The following MDGA2 variants were observed in gnomAD, a reference collection of about 807,000 sequenced individuals.
MDGA2 encodes MAM domain-containing glycosylphosphatidylinositol anchor protein 2.
A neutral mutation model predicts 117.8 loss-of-function variants in MDGA2; 40 were observed. That is an observed-to-expected ratio of 0.34 (90% CI 0.26 to 0.44). The LOEUF is 0.44. Ranked by LOEUF, MDGA2 falls within the 20% of genes least tolerant of loss-of-function variation. The probability of loss-of-function intolerance (pLI) is 1.00; values close to 1 mark genes in which losing one functional copy is unlikely to be tolerated. For missense variants in MDGA2, 1,123 were observed against 1,250.6 expected, an observed-to-expected ratio of 0.90 and a Z score of 1.54; for synonymous variants, 452 against 439.0, an observed-to-expected ratio of 1.03 and a Z score of -0.37.
intron 1 of MDGA2, among the ~76,000 whole-genome samples, chr14:47,486,001 G>A (rs566591446): frequency 2.6e-5 from 4 of 152,308 alleles, no homozygotes; most frequent in African/African-American, 9.6e-5. Flanking sequence ...AGTCCCTAGT[G>A]AGGCACTGCC....
chr14:47,626,433 G>C (rs1039512439), intron 1 of MDGA2: 1 of 153,132 alleles, frequency 6.5e-6, no homozygotes, highest in African/African-American at 2.4e-5. Flanking sequence ...GCGCCTCCTC[G>C]GCTTTGGCAC....
chr14:47,621,223 A>G (rs1156982064), intron 1 of MDGA2, among the ~76,000 whole-genome samples: 1 of 152,112 alleles, frequency 6.6e-6, no homozygotes, highest in Non-Finnish European at 1.5e-5. Context: ...TGAACCCTAT[A>G]TTAAATACAG....
chr14:46,854,582 C>T (rs1222723560), intron 15 of MDGA2, among the ~76,000 whole-genome samples: 1 of 151,566 alleles, frequency 6.6e-6, no homozygotes, highest in Non-Finnish European at 1.5e-5. Context: ...TTAATAATCA[C>T]TGATCAATTA....
intron 2 of MDGA2, among the ~76,000 whole-genome samples, chr14:47,246,837 A>ACG (rs1887255184): frequency 6.7e-6 from 1 of 149,314 alleles, no homozygotes; most frequent in South Asian, 2.1e-4. Context: ...ACACACACTC[A>ACG]GACGTATCAA....
intron 2 of MDGA2, among the ~76,000 whole-genome samples, chr14:47,236,780 C>T (rs1886879687): frequency 1.3e-5 from 2 of 152,088 alleles, no homozygotes; most frequent in South Asian, 4.1e-4. Context: ...AAAATATCAG[C>T]TTTTAGATTT....
intron 6 of MDGA2, among the ~76,000 whole-genome samples, chr14:47,068,049 TCTAAATG>T (rs1890146631): frequency 6.6e-6 from 1 of 152,114 alleles, no homozygotes; most frequent in Non-Finnish European, 1.5e-5. Context: ...CCCCTGATAA[TCTAAATG>T]TAGAGTCAGA....
intron 3 of MDGA2, among the ~76,000 whole-genome samples, chr14:47,199,287 C>A (rs1045698646): frequency 6.6e-6 from 1 of 152,214 alleles, no homozygotes; most frequent in African/African-American, 2.4e-5. Flanking sequence ...AACTTGATGT[C>A]TAGGTAACTT....
intron 7 of MDGA2, among the ~76,000 whole-genome samples, chr14:47,057,482 A>G (rs11628087): frequency 0.53 from 79,847 of 151,830 alleles, 21,716 homozygotes; most frequent in East Asian, 0.65. Context: ...TAAAAAAAAA[A>G]TACTCCCAAT....
At chr14:46,842,464 G>A (rs911308623) in intron 16 of MDGA2, among the ~76,000 whole-genome samples, 1 of 152,058 alleles carries the variant, frequency 6.6e-6, no homozygotes, top group African/African-American at 2.4e-5. Flanking sequence ...ATGGTTATGT[G>A]TACAGAAATT....
chr14:47,145,369 A>T (rs527283434), intron 3 of MDGA2, among the ~76,000 whole-genome samples: 1 of 152,310 alleles, frequency 6.6e-6, no homozygotes, highest in South Asian at 2.1e-4. Context: ...GAGTTCCAAT[A>T]AAACTTTATT....
intron 2 of MDGA2, among the ~76,000 whole-genome samples, chr14:47,237,970 C>G (rs555263755): frequency 4.6e-5 from 7 of 152,132 alleles, no homozygotes; most frequent in Non-Finnish European, 1.0e-4. Flanking sequence ...ATGGAACTCA[C>G]TCCTGTTCAC....
intron 5 of MDGA2, among the ~76,000 whole-genome samples, chr14:47,099,394 T>A (rs1880168416): frequency 6.6e-6 from 1 of 151,948 alleles, no homozygotes. Context: ...AGGAAAAACA[T>A]AAAAATATTT....
chr14:46,992,832 T>A (rs958762490), intron 8 of MDGA2, among the ~76,000 whole-genome samples: 6 of 152,188 alleles, frequency 3.9e-5, no homozygotes, highest in Non-Finnish European at 8.8e-5. Context: ...ATAGCATCCA[T>A]GTCTCCCCTG....
chr14:46,909,822 T>G lies in MDGA2; in HGVS notation c.2238+10190A>C, dbSNP rs528626640. Among the ~76,000 whole-genome samples the G allele has an allele frequency of 5.9e-5, 9 of 152,280 alleles. 1 individual carries two copies. Among genetic ancestry groups the G allele is most frequent in the African/African-American group, 1.9e-4 (8 of 41,574 alleles). On this transcript the variant is annotated intron_variant, in intron 10 of 16. Transcript: ENST00000399232. Reference sequence around the variant, plus strand: ...TCAATATAGGAAAACTACCTATGAATTTTGTATTGTGTCATTTTGCTAAGA... The same window carrying G: ...TCAATATAGGAAAACTACCTATGAAGTTTGTATTGTGTCATTTTGCTAAGA...
At chr14:46,843,254 T>G (rs763244706) in intron 16 of MDGA2, among the ~76,000 whole-genome samples, 1 of 152,202 alleles carries the variant, frequency 6.6e-6, no homozygotes, top group South Asian at 2.1e-4. Flanking sequence ...AGTTATGCTT[T>G]CTTTCTGCAC....
In MDGA2 at chr14:46,842,014, C is replaced by T. The variant is rs199615743; in HGVS notation, c.2995G>A (p.Val999Ile). 236 of 1,607,098 alleles carry T rather than the reference C, an allele frequency of 1.5e-4. No individual in the cohort carries two copies. The Middle Eastern group carries it at 4.5e-3, about 30-fold the overall frequency. The change falls in exon 17 of 17, where the codon GTT (valine) becomes ATT (isoleucine). Residue 999 changes from valine to isoleucine, a missense_variant. Transcript: ENST00000399232. ...ACCAAAATCCCAACAGCACCATCAA[C>T]GGAATCTAAAGATAAGGAAAATAAA... is the stretch of plus-strand genomic sequence containing the variant. The part of the protein sequence containing the change: ...AKQDLATKNS[V>I]DGAVGILVHI...
chr14:47,359,990 T>A (rs1891081280), intron 1 of MDGA2, among the ~76,000 whole-genome samples: 1 of 152,090 alleles, frequency 6.6e-6, no homozygotes, highest in Admixed American at 6.6e-5. Flanking sequence ...AAAGGGTTAA[T>A]AACCAAAATA....
Position 47,449,755 on chromosome 14 carries a change from C to T in MDGA2, c.281-148205G>A, listed in dbSNP as rs868611981. Among the ~76,000 whole-genome samples, 5 of 152,190 alleles carry T rather than the reference C, an allele frequency of 3.3e-5. No individual in the cohort carries two copies. The South Asian group carries it at 6.2e-4, about 19-fold the overall frequency. ...AAAGCAAAGCTACCTAGGCAGACAT[C>T]GACCAACTTTTTTATGCTTTGTGAA... On this transcript the variant is annotated intron_variant, in intron 1 of 16. Coordinates refer to ENST00000399232, the MANE Select transcript of MDGA2 (RefSeq NM_001113498.3).
intron 3 of MDGA2, among the ~76,000 whole-genome samples, chr14:47,151,375 C>A (rs1304976974): frequency 2.0e-5 from 3 of 152,192 alleles, no homozygotes; most frequent in Non-Finnish European, 2.9e-5. Context: ...GGAGAGCCAA[C>A]ATCTTCCAAC....
Sources: allele counts gnomAD v4.1 joint callset (sites outside exome capture counted in the v4.1 genomes callset), GRCh38; gene constraint gnomAD v4.1.1; transcripts MANE v1.5; gene names NCBI Gene and HGNC (gene_info 2026-07-23, HGNC 2026-07-21).